The following PRC1 variants were observed in gnomAD, a reference collection of about 807,000 sequenced individuals.
The protein encoded by PRC1 is anaphase spindle elongation 1 homolog.
PRC1 carries 54 observed loss-of-function variants against 91.2 expected under a neutral mutation model. That is an observed-to-expected ratio of 0.59 (90% CI 0.48 to 0.74). The LOEUF is 0.74. PRC1 is among the 30% of genes least tolerant of loss of function. The pLI is 0.00. For missense variants in PRC1, 727 were observed against 746.2 expected (o/e 0.97, Z 0.30); for synonymous variants, 275 against 263.6 (o/e 1.04, Z -0.42).
At chr15:90,968,959 C>G in intron 14 of PRC1, 120 bp downstream of exon 14, 1 of 1,530,612 alleles carries the variant, frequency 6.5e-7, no homozygotes, top group Admixed American at 2.1e-5. Context: ...GATAGGAATT[C>G]CTGCTTCCTT....
intron 1 of PRC1, among the ~76,000 whole-genome samples, chr15:90,986,362 C>T (rs908812128): frequency 1.3e-4 from 20 of 152,236 alleles, no homozygotes; most frequent in African/African-American, 4.3e-4. Context: ...GGTGCAGTGG[C>T]TCACACCTGT....
chr15:90,991,362 T>C (rs975080249), intron 1 of PRC1, among the ~76,000 whole-genome samples: 5 of 151,228 alleles, frequency 3.3e-5, no homozygotes, highest in Non-Finnish European at 7.4e-5. Context: ...GAGGCGGAGG[T>C]TGCAGTGAGC....
At chr15:90,979,016 CA>C in intron 8 of PRC1, 141 bp downstream of exon 8, 1 of 1,074,356 alleles carries the variant, frequency 9.3e-7, no homozygotes, top group Non-Finnish European at 1.3e-6. Flanking sequence ...GCTTATCAAA[CA>C]GAGGCGGTCA....
intron 11 of PRC1, among the ~76,000 whole-genome samples, chr15:90,973,324 C>T (rs1337720282): frequency 6.6e-6 from 1 of 152,242 alleles, no homozygotes; most frequent in Non-Finnish European, 1.5e-5. Context: ...AATATGTTTA[C>T]AGGCAGTATG....
chr15:90,982,177 G>A (rs1175536190), intron 3 of PRC1, 196 bp from the exon 4 acceptor site: 4 of 596,902 alleles, frequency 6.7e-6, no homozygotes, highest in Non-Finnish European at 3.0e-6. Context: ...AAGTACCAGG[G>A]TACTTTTCCC....
intron 14 of PRC1, chr15:90,968,293 C>G: frequency 7.1e-6 from 7 of 985,460 alleles, no homozygotes; most frequent in Non-Finnish European, 8.4e-6. Flanking sequence ...ATTTGAAAAA[C>G]ATGCTGGAGT....
Position 90,969,516 on chromosome 15 carries a change from G to A in PRC1, c.1680C>T (p.Tyr560=). The A allele has an allele frequency of 6.2e-7, 1 of 1,613,482 alleles. No individual in the cohort carries two copies. The highest frequency in any genetic ancestry group is 8.5e-7 in the Non-Finnish European group (1 of 1,179,598). ...ELNGSILSGG[Y]PGSAPLQRNF... is the part of the protein sequence containing the mutation. ...TGCGCTGGAGGGGGGCCGAGCCAGG[G>A]TACCCACCACTCAGGATGCTGCCGT... is the stretch of plus-strand genomic sequence containing the variant. The change falls in exon 13 of 15, where the codon TAC becomes TAT. Residue 560 remains tyrosine (Y), a synonymous_variant. Transcript: ENST00000394249.
rs530996072 is a variant in PRC1 at position 90,971,219 on chromosome 15, C to G, written c.1462-705G>C. 1.7e-4 allele frequency among the ~76,000 whole-genome samples: 26 copies of G among 152,310 alleles called. 2 individuals are homozygous for G. Among genetic ancestry groups the G allele is most frequent in the African/African-American group, 5.3e-4 (22 of 41,564 alleles). On this transcript the variant is annotated intron_variant, in intron 11 of 14. Transcript: ENST00000394249. ...TTGGGGACCATGAAATGTTCATTATCTAAATTATGGTGACAGTTTCATTGT... is the reference window on the plus strand; with the variant it reads ...TTGGGGACCATGAAATGTTCATTATGTAAATTATGGTGACAGTTTCATTGT...
chr15:90,984,213 C>A lies in PRC1; in HGVS notation c.145-73G>T. ...AACTCCCAACACCAATACCAAACTC[C>A]TCAAATTTCTTTTTTCTTTTTCTTT... On this transcript the variant is annotated intron_variant, in intron 2 of 14. Transcript: ENST00000394249. The surrounding 1 kb of genome is among the most constrained non-coding windows in gnomAD (Gnocchi z 5.1). 1.9e-6 allele frequency: 3 copies of A among 1,546,114 alleles called. No homozygotes were observed. Among genetic ancestry groups the A allele is most frequent in the Non-Finnish European group, 2.6e-6 (3 of 1,139,594 alleles).
chr15:90,973,511 C>T (rs1218548209), intron 11 of PRC1, among the ~76,000 whole-genome samples: 6 of 151,986 alleles, frequency 3.9e-5, no homozygotes, highest in African/African-American at 1.2e-4. Context: ...TCCCCCAGCC[C>T]GACACCCGTC....
Position 90,994,421 on chromosome 15 carries a change from G to A in PRC1, c.-4C>T, listed in dbSNP as rs373772383. The A allele has an allele frequency of 8.3e-4, 1,339 of 1,610,894 alleles. 3 individuals are homozygous for A. The highest frequency in any genetic ancestry group is 6.5e-4 in the Non-Finnish European group (766 of 1,178,770). On this transcript the variant is annotated 5_prime_UTR_variant, in exon 1 of 15. Transcript: ENST00000394249. ...GCAACCCGCACCTTCTCCTCATGGCGGACGCTCCAAGCAGCCGTGAGTCCA... is the reference window on the plus strand; with the variant it reads ...GCAACCCGCACCTTCTCCTCATGGCAGACGCTCCAAGCAGCCGTGAGTCCA...
In PRC1 at chr15:90,970,143, G is replaced by A. The variant is rs142862610; in HGVS notation, c.1572+261C>T. On this transcript the variant is annotated intron_variant, in intron 12 of 14. Transcript: ENST00000394249. Reference sequence around the variant, plus strand: ...CTGGGCTTGGAATTGAGTCTACAGCGACCCTGCCTGATCTTCAGTTTCCCA... The same window carrying A: ...CTGGGCTTGGAATTGAGTCTACAGCAACCCTGCCTGATCTTCAGTTTCCCA... Among the ~76,000 whole-genome samples, 372 of 152,184 alleles carry A rather than the reference G, an allele frequency of 2.4e-3. 1 individual carries two copies. Among genetic ancestry groups the A allele is most frequent in the African/African-American group, 8.5e-3 (354 of 41,526 alleles).
At chr15:90,994,365 T>C (rs747670229) in intron 1 of PRC1, 42 bp downstream of exon 1, 4 of 1,611,802 alleles carry the variant, frequency 2.5e-6, no homozygotes, top group Non-Finnish European at 3.4e-6. Flanking sequence ...GAAACGAGCG[T>C]CGCTCCCTCC....
At chr15:90,969,758 A>AG (rs988537510) in intron 12 of PRC1, 135 bp from the exon 13 acceptor site, 15 of 217,176 alleles carry the variant, frequency 6.9e-5, no homozygotes, top group East Asian at 2.9e-4. Context: ...TAGTTAAAAA[A>AG]AAAACATATA....
intron 13 of PRC1, 53 bp downstream of exon 13, chr15:90,969,394 G>A: frequency 6.5e-7 from 1 of 1,541,658 alleles, no homozygotes; most frequent in Non-Finnish European, 8.8e-7. Flanking sequence ...TACCCACTCT[G>A]CCCCAACTGT....
intron 14 of PRC1, 188 bp from the exon 15 acceptor site, chr15:90,967,390 G>C: frequency 1.7e-6 from 1 of 602,440 alleles, no homozygotes; most frequent in Non-Finnish European, 3.0e-6. Context: ...GTCACAGACA[G>C]AGTGCATGTG....
chr15:90,981,556 T>G lies in PRC1; in HGVS notation c.615A>C (p.Glu205Asp). ...SFERDVVCED[E>D]DAFCLSLENI... ...TCTCCAAAGACAAACAAAAGGCATC[T>G]TCGTCTTCACACACCACATCTCTTT... Residue 205 changes from glutamate (E) to aspartate (D), a missense_variant, in exon 5 of 15, where the codon GAA becomes GAC. By Grantham distance (45) the Glu-to-Asp change is conservative. Transcript: ENST00000394249. The G allele has an allele frequency of 1.2e-6, 2 of 1,614,068 alleles. No homozygotes were observed. The highest frequency in any genetic ancestry group is 1.7e-6 in the Non-Finnish European group (2 of 1,180,038).
chr15:90,966,713 TGAA>T lies in PRC1; in HGVS notation c.*415_*417del. 1 of 451,224 alleles carries T rather than the reference TGAA, an allele frequency of 2.2e-6. No homozygotes were observed. The highest frequency in any genetic ancestry group is 4.5e-6 in the Non-Finnish European group (1 of 223,910). 28.0% of individuals were successfully genotyped at this position (451,224 alleles called of 1,614,324 possible). ...AAGCTATGATAGCTACAGCATTAAT[TGAA>T]CATGCCTAAACAAAAAAGATGTTAA... On this transcript the variant is annotated 3_prime_UTR_variant, in exon 15 of 15. Transcript: ENST00000394249.
intron 1 of PRC1, among the ~76,000 whole-genome samples, chr15:90,988,785 C>T (rs1367435858): frequency 1.3e-5 from 2 of 152,056 alleles, no homozygotes; most frequent in Non-Finnish European, 2.9e-5. Flanking sequence ...TTCATTTTAC[C>T]ACACCCTAAC....
Sources: allele counts gnomAD v4.1 joint callset (sites outside exome capture counted in the v4.1 genomes callset), GRCh38; gene constraint gnomAD v4.1.1; non-coding constraint Gnocchi (gnomAD v3.1); transcripts MANE v1.5; gene names NCBI Gene and HGNC (gene_info 2026-07-23, HGNC 2026-07-21).